The following CASZ1 variants were observed in gnomAD, a reference collection of about 807,000 sequenced individuals.
CASZ1 encodes the protein zinc finger protein castor homolog 1.
CASZ1 carries 28 observed loss-of-function variants against 135.2 expected under a neutral mutation model. That is an observed-to-expected ratio of 0.21 (90% CI 0.15 to 0.28). CASZ1 has a LOEUF of 0.28. Ranked by LOEUF, CASZ1 falls within the 10% of genes least tolerant of loss-of-function variation. The pLI is 1.00. For missense variants in CASZ1, 2,161 were observed against 2,453.3 expected (o/e 0.88, Z 2.52); for synonymous variants, 1,068 against 1,073.4 (o/e 0.99, Z 0.10).
rs182100481 is a variant in CASZ1 at position 10,715,928 on chromosome 1, C to T, written c.-76-10384G>A. Among the ~76,000 whole-genome samples the T allele has an allele frequency of 1.7e-3, 232 of 138,312 alleles. 5 individuals carry two copies. Among genetic ancestry groups the T allele is most frequent in the African/African-American group, 6.1e-3 (214 of 34,994 alleles). 90.7% of individuals were successfully genotyped at this position (138,312 alleles called of 152,430 possible). A position where few individuals can be genotyped will look rare whatever the true frequency, so the allele number is the denominator to read the frequency against. On this transcript the variant is annotated intron_variant, in intron 2 of 20. Coordinates refer to ENST00000377022, the MANE Select transcript of CASZ1 (RefSeq NM_001079843.3). ...AATCCTCTCCCCACAGCACCCAATC[C>T]GCTTCCCACAGCACCCAATCCACAC... is the stretch of plus-strand genomic sequence containing the variant.
In CASZ1 at chr1:10,767,170, C is replaced by A. The variant is rs1046580915; in HGVS notation, c.-233-6313G>T. 6.6e-6 allele frequency among the ~76,000 whole-genome samples: 1 copy of A among 151,766 alleles called. No homozygotes were observed. The highest frequency in any genetic ancestry group is 2.4e-5 in the African/African-American group (1 of 41,280). On this transcript the variant is annotated intron_variant, in intron 1 of 20. Coordinates refer to ENST00000377022, the MANE Select transcript of CASZ1 (RefSeq NM_001079843.3). This position sits in a 1 kb window ranked among gnomAD's most constrained non-coding sequence, Gnocchi z 4.2. Reference sequence around the variant, plus strand: ...CCTCATGAGTTCCTGATGGGAGGAACGAGGAGTGGGGAAAAGATGGGGCCC... The same window carrying A: ...CCTCATGAGTTCCTGATGGGAGGAAAGAGGAGTGGGGAAAAGATGGGGCCC...
rs1639872733 is a variant in CASZ1 at position 10,739,519 on chromosome 1, C to A, written c.-77+21182G>T. Reference sequence around the variant, plus strand: ...GCTGCGCCCACTCAGGCTTCCAGACCTTTCCCTGAGCCCTCCGCCCCCCGG... The same window carrying A: ...GCTGCGCCCACTCAGGCTTCCAGACATTTCCCTGAGCCCTCCGCCCCCCGG... On this transcript the variant is annotated intron_variant, in intron 2 of 20. Transcript: ENST00000377022. The surrounding 1 kb of genome is among the most constrained non-coding windows in gnomAD (Gnocchi z 4.8). Among the ~76,000 whole-genome samples the A allele has an allele frequency of 6.6e-6, 1 of 152,166 alleles. No individual in the cohort carries two copies. The highest frequency in any genetic ancestry group is 1.5e-5 in the Non-Finnish European group (1 of 68,008).
chr1:10,693,809 G>C, intron 4 of CASZ1, 65 bp downstream of exon 4: 1 of 1,112,034 alleles, frequency 9.0e-7, no homozygotes, highest in Non-Finnish European at 1.3e-6. Context: ...CTAAAAATAA[G>C]AACTTCCGTA....
chr1:10,791,069 C>A (rs1392946150), intron 1 of CASZ1, among the ~76,000 whole-genome samples: 2 of 146,294 alleles, frequency 1.4e-5, no homozygotes, highest in Non-Finnish European at 3.0e-5. Flanking sequence ...TCCGAAGAGA[C>A]CCTCTTCCCA....
In CASZ1 at chr1:10,792,332, CCCCCCCCCGG is replaced by C. The variant is rs1464080239; in HGVS notation, c.-234+4222_-234+4231del. On this transcript the variant is annotated intron_variant, in intron 1 of 20. Coordinates refer to ENST00000377022, the MANE Select transcript of CASZ1 (RefSeq NM_001079843.3). ...ATGGCTTACCCCTCCCCCCCGCCCC[CCCCCCCCCGG>C]CCCCGCACACAAAGTAAATGGAAAT... Among the ~76,000 whole-genome samples, 60 of 42,216 alleles carry C rather than the reference CCCCCCCCCGG, an allele frequency of 1.4e-3. 9 individuals are homozygous for C. The highest frequency in any genetic ancestry group is 6.4e-3 in the Middle Eastern group (1 of 156). 27.7% of individuals were successfully genotyped at this position (42,216 alleles called of 152,430 possible). A position where few individuals can be genotyped will look rare whatever the true frequency, so the allele number is the denominator to read the frequency against.
intron 1 of CASZ1, among the ~76,000 whole-genome samples, chr1:10,765,513 C>T (rs566646664): frequency 3.3e-4 from 50 of 152,252 alleles, no homozygotes; most frequent in South Asian, 8.3e-4. Flanking sequence ...ACGACGGGTA[C>T]GCCCAACGCA....
intron 1 of CASZ1, among the ~76,000 whole-genome samples, chr1:10,792,700 C>A (rs987733806): frequency 6.6e-6 from 1 of 150,910 alleles, no homozygotes; most frequent in Non-Finnish European, 1.5e-5. Context: ...CCCCCACCCC[C>A]ACCCCCAACC....
At chr1:10,643,097 A>T in intron 19 of CASZ1, 63 bp downstream of exon 19, 1 of 1,595,770 alleles carries the variant, frequency 6.3e-7, no homozygotes, top group Non-Finnish European at 8.6e-7. Flanking sequence ...CCTGAGAGTG[A>T]GCGTGGGACC....
At chr1:10,796,440 G>C (rs1002136897) in intron 1 of CASZ1, 124 bp downstream of exon 1, 6 of 127,426 alleles carry the variant, frequency 4.7e-5, no homozygotes, top group Admixed American at 7.8e-5. Context: ...CCTGCTGCAA[G>C]CGGCAGCCCC....
chr1:10,763,827 T>C (rs1235253857), intron 1 of CASZ1, among the ~76,000 whole-genome samples: 3 of 152,176 alleles, frequency 2.0e-5, no homozygotes, highest in Non-Finnish European at 4.4e-5. Context: ...CCGTGCAGCT[T>C]GGCCCCTCTT....
At chr1:10,793,121 A>T (rs2100638836) in intron 1 of CASZ1, among the ~76,000 whole-genome samples, 1 of 152,304 alleles carries the variant, frequency 6.6e-6, no homozygotes, top group Non-Finnish European at 1.5e-5. Context: ...TTATTTAAAC[A>T]TAAGGGGAGC....
chr1:10,769,618 G>A (rs1159759095), intron 1 of CASZ1, among the ~76,000 whole-genome samples: 1 of 152,120 alleles, frequency 6.6e-6, no homozygotes, highest in African/African-American at 2.4e-5. Flanking sequence ...CCGGGTTCAA[G>A]CGATTCTCCT....
At chr1:10,712,067 C>T (rs955615393) in intron 2 of CASZ1, among the ~76,000 whole-genome samples, 12 of 152,118 alleles carry the variant, frequency 7.9e-5, no homozygotes, top group Admixed American at 5.9e-4. Context: ...GATTACAGGC[C>T]GGGCGTGGTG....
Position 10,693,179 on chromosome 1 carries a change from G to A in CASZ1, c.16+695C>T, listed in dbSNP as rs1378750621. On this transcript the variant is annotated intron_variant, in intron 4 of 20. Transcript: ENST00000377022. ...ATGCCTACGTTGAGTAGTCTGTCTG[G>A]TCCATCACCACCCCTAGGGTGGGGG... 5.9e-5 allele frequency among the ~76,000 whole-genome samples: 9 copies of A among 152,058 alleles called. No homozygotes were observed. In the South Asian group the frequency reaches 1.9e-3, roughly 32 times the overall value.
intron 1 of CASZ1, among the ~76,000 whole-genome samples, chr1:10,793,780 G>C (rs1641005586): frequency 6.6e-6 from 1 of 152,034 alleles, no homozygotes. Context: ...AGAGATGGTG[G>C]CTACCTCCTG....
At chr1:10,655,216 G>T (rs1239284293) in intron 9 of CASZ1, among the ~76,000 whole-genome samples, 1 of 152,208 alleles carries the variant, frequency 6.6e-6, no homozygotes, top group East Asian at 1.9e-4. Context: ...AATACCGGGG[G>T]AGGCATAGGG....
At chr1:10,718,692 C>T (rs927682232) in intron 2 of CASZ1, among the ~76,000 whole-genome samples, 5 of 152,212 alleles carry the variant, frequency 3.3e-5, no homozygotes, top group African/African-American at 1.2e-4. Flanking sequence ...CCCAGGAGAC[C>T]CTGCCGGAGT....
intron 15 of CASZ1, 69 bp downstream of exon 15, chr1:10,649,001 C>T: frequency 6.3e-7 from 1 of 1,583,028 alleles, no homozygotes; most frequent in South Asian, 1.1e-5. Flanking sequence ...CAGCCTGAGC[C>T]CCACCCACCC....
chr1:10,695,822 C>G (rs1638921982), intron 3 of CASZ1, among the ~76,000 whole-genome samples: 1 of 152,168 alleles, frequency 6.6e-6, no homozygotes, highest in Non-Finnish European at 1.5e-5. Flanking sequence ...TTAAGTGACG[C>G]ATCCGGCCCA....
Sources: gnomAD v4.1 joint callset for allele counts (sites outside exome capture counted in the v4.1 genomes callset) on GRCh38, gnomAD v4.1.1 for gene constraint, Gnocchi (gnomAD v3.1) non-coding constraint, MANE v1.5 for transcripts, NCBI Gene and HGNC (gene_info 2026-07-23, HGNC 2026-07-21) for gene names.